LTBP1: variants seen among roughly 807,000 people sequenced by gnomAD.
The protein encoded by LTBP1 is latent transforming growth factor beta binding protein 1.
In LTBP1, 129 loss-of-function variants were observed where a neutral mutation model predicts 207.6. That is an observed-to-expected ratio of 0.62 (90% CI 0.54 to 0.72). The LOEUF (loss-of-function observed/expected upper bound fraction) is 0.72. Ranked by LOEUF, LTBP1 falls within the 30% of genes least tolerant of loss-of-function variation. The probability of loss-of-function intolerance (pLI) is 0.00; values close to 1 mark genes in which losing one functional copy is unlikely to be tolerated. For synonymous variants in LTBP1, 963 were observed against 833.7 expected (o/e 1.16, Z -2.67); for missense variants, 2,281 against 2,217.2 (o/e 1.03, Z -0.58).
At chr2:32,965,387 C>A (rs1228531843) in intron 2 of LTBP1, among the ~76,000 whole-genome samples, 3 of 152,080 alleles carry the variant, frequency 2.0e-5, no homozygotes, top group Admixed American at 6.6e-5. Flanking sequence ...GTTGTATATT[C>A]CTTGGGTTTT....
chr2:33,199,691 G>A (rs995981163), intron 7 of LTBP1, among the ~76,000 whole-genome samples: 6 of 152,202 alleles, frequency 3.9e-5, no homozygotes, highest in Non-Finnish European at 8.8e-5. Flanking sequence ...AATTGTCCCT[G>A]TTGGCAGATG....
At chr2:33,393,456 G>T (rs148132166) in intron 32 of LTBP1, among the ~76,000 whole-genome samples, 1 of 76,642 alleles carries the variant, frequency 1.3e-5, no homozygotes, top group Non-Finnish European at 2.5e-5. Context: ...CCAACCCCGC[G>T]AAAGGCCCTG....
chr2:33,397,384 A>C, intron 33 of LTBP1, 102 bp downstream of exon 33: 1 of 1,325,742 alleles, frequency 7.5e-7, no homozygotes, highest in Non-Finnish European at 1.1e-6. Context: ...TTTCAGTTTG[A>C]GAAGATGAGA....
intron 3 of LTBP1, among the ~76,000 whole-genome samples, chr2:33,047,241 G>A (rs1047420383): frequency 1.3e-5 from 2 of 152,094 alleles, no homozygotes; most frequent in African/African-American, 4.8e-5. Flanking sequence ...GCTTTCTCTT[G>A]TGGGCATTTA....
chr2:32,977,002 T>G (rs1025777994), intron 2 of LTBP1, among the ~76,000 whole-genome samples: 14 of 152,222 alleles, frequency 9.2e-5, no homozygotes, highest in African/African-American at 3.1e-4. Flanking sequence ...CTAGCATGCC[T>G]GGCCCCTCTG....
intron 9 of LTBP1, among the ~76,000 whole-genome samples, chr2:33,227,756 G>A (rs2091522774): frequency 1.3e-5 from 2 of 150,258 alleles, no homozygotes; most frequent in South Asian, 4.2e-4. Context: ...GATTTGATGT[G>A]GATGAAGAAA....
intron 3 of LTBP1, among the ~76,000 whole-genome samples, chr2:33,084,347 G>T (rs1336380671): frequency 6.6e-6 from 1 of 152,182 alleles, no homozygotes; most frequent in Non-Finnish European, 1.5e-5. Context: ...AGGCTTTGAA[G>T]TTGTGAAAGG....
intron 26 of LTBP1, among the ~76,000 whole-genome samples, chr2:33,352,514 G>T (rs2094795750): frequency 6.6e-6 from 1 of 152,062 alleles, no homozygotes; most frequent in Non-Finnish European, 1.5e-5. Context: ...CATCCAAGCA[G>T]TCCATCATAA....
At chr2:33,273,842 T>C in intron 16 of LTBP1, 61 bp downstream of exon 16, 1 of 1,447,596 alleles carries the variant, frequency 6.9e-7, no homozygotes, top group South Asian at 1.4e-5. Context: ...TTAAGAACAT[T>C]TTTTTCTTAA....
chr2:33,139,357 T>C (rs1431086302), intron 5 of LTBP1, among the ~76,000 whole-genome samples: 1 of 152,216 alleles, frequency 6.6e-6, no homozygotes, highest in African/African-American at 2.4e-5. Flanking sequence ...TAAGTGACTA[T>C]GTATAAAACA....
intron 24 of LTBP1, among the ~76,000 whole-genome samples, chr2:33,326,498 TA>T (rs111611307): frequency 0.14 from 20,740 of 148,680 alleles, 2,389 homozygotes; most frequent in African/African-American, 0.31. Context: ...TTTATTGGAT[TA>T]AAAAAAAAAC....
chr2:33,360,724 AGGCGTG>A lies in LTBP1; in HGVS notation c.4131_4136del (p.Val1378_Gly1379del), dbSNP rs752348137. ...CGAAACAAGAATGCTGCTGTACATC[AGGCGTG>A]GGATGGGGAGATAACTGCGAAATCT... On this transcript the variant is annotated inframe_deletion, in exon 27 of 34. Coordinates refer to ENST00000404816, the MANE Select transcript of LTBP1 (RefSeq NM_206943.4). 6.2e-7 allele frequency: 1 copy of A among 1,614,054 alleles called. No homozygotes were observed. Among genetic ancestry groups the A allele is most frequent in the Non-Finnish European group, 8.5e-7 (1 of 1,179,900 alleles).
intron 9 of LTBP1, among the ~76,000 whole-genome samples, chr2:33,233,088 T>G (rs1421675007): frequency 1.3e-5 from 2 of 152,148 alleles, no homozygotes; most frequent in South Asian, 4.1e-4. Flanking sequence ...ACTCATGTCT[T>G]TCCTCAAATT....
chr2:33,203,869 C>T (rs2089595081), intron 7 of LTBP1, among the ~76,000 whole-genome samples: 1 of 152,128 alleles, frequency 6.6e-6, no homozygotes, highest in Admixed American at 6.5e-5. Context: ...TTGAAGATGA[C>T]AGTTCTGAGC....
At chr2:32,957,120 A>G (rs1013334819) in intron 2 of LTBP1, among the ~76,000 whole-genome samples, 1 of 152,192 alleles carries the variant, frequency 6.6e-6, no homozygotes, top group African/African-American at 2.4e-5. Flanking sequence ...AGATTTTTAG[A>G]TTGGTAAATT....
chr2:33,164,868 G>A (rs2084787911), intron 5 of LTBP1, among the ~76,000 whole-genome samples: 1 of 152,176 alleles, frequency 6.6e-6, no homozygotes, highest in Non-Finnish European at 1.5e-5. Context: ...TCCTTATGAT[G>A]CATATTTGTG....
intron 2 of LTBP1, among the ~76,000 whole-genome samples, chr2:33,019,466 C>T (rs2075042087): frequency 6.6e-6 from 1 of 151,386 alleles, no homozygotes; most frequent in South Asian, 2.1e-4. Context: ...CTTCCGAGAA[C>T]TGGGATTACA....
At chr2:33,147,417 T>C (rs1275999108) in intron 5 of LTBP1, among the ~76,000 whole-genome samples, 5 of 152,202 alleles carry the variant, frequency 3.3e-5, no homozygotes, top group African/African-American at 9.6e-5. Context: ...GCTCTGAGGA[T>C]GCTGTGCTGC....
chr2:33,390,500 T>C (rs1021333090), intron 32 of LTBP1, among the ~76,000 whole-genome samples: 1 of 151,942 alleles, frequency 6.6e-6, no homozygotes, highest in Non-Finnish European at 1.5e-5. Context: ...CAAATTTTTT[T>C]TTTTTTGAGA....
Sources: allele counts gnomAD v4.1 joint callset (sites outside exome capture counted in the v4.1 genomes callset), GRCh38; gene constraint gnomAD v4.1.1; transcripts MANE v1.5; gene names NCBI Gene and HGNC (gene_info 2026-07-23, HGNC 2026-07-21).